HS2ST1: variants seen among roughly 807,000 people sequenced by gnomAD.
HS2ST1 encodes the protein 2-O-sulfotransferase.
Under a neutral mutation model 42.9 loss-of-function variants are expected in HS2ST1, and 18 were observed. The ratio of observed to expected loss-of-function variants is 0.42; its 90% CI spans 0.29 to 0.62. The LOEUF (loss-of-function observed/expected upper bound fraction) is 0.62, where lower values mean the gene tolerates loss of function less well. Ranked by LOEUF, HS2ST1 falls within the 20% of genes least tolerant of loss-of-function variation. The pLI is 0.21. For synonymous variants in HS2ST1, 146 were observed against 152.9 expected (o/e 0.95, Z 0.33); for missense variants, 334 against 433.8 (o/e 0.77, Z 2.04).
chr1:87,103,446 G>A lies in HS2ST1; in HGVS notation c.701G>A (p.Arg234Lys). The A allele has an allele frequency of 1.3e-6, 2 of 1,598,936 alleles. No homozygotes were observed. Residue 234 changes from arginine (R) to lysine (K), a missense_variant, in exon 6 of 7, where the codon AGG becomes AAG. Physicochemically the swap from Arg to Lys is conservative, Grantham distance 26. Transcript: ENST00000370550. ...HSSECWNVGS[R>K]WAMDQAKYNL... ...TTTGGTTTCAGGAATGTGGGAAGCA[G>A]GTGGGCTATGGATCAAGCCAAGTAT...
chr1:87,088,267 CAAG>C (rs1455805140), intron 3 of HS2ST1, among the ~76,000 whole-genome samples: 4 of 152,026 alleles, frequency 2.6e-5, no homozygotes, highest in African/African-American at 9.7e-5. Flanking sequence ...GACACCCAAA[CAAG>C]AAACTTTCAA....
At chr1:87,103,818 C>T (rs1450065298) in intron 6 of HS2ST1, among the ~76,000 whole-genome samples, 5 of 152,132 alleles carry the variant, frequency 3.3e-5, no homozygotes, top group African/African-American at 4.8e-5. Flanking sequence ...CAGAACCAGC[C>T]ATAGAAATGT....
intron 5 of HS2ST1, among the ~76,000 whole-genome samples, chr1:87,098,640 T>G (rs555731982): frequency 6.6e-5 from 10 of 152,328 alleles, no homozygotes; most frequent in Admixed American, 5.2e-4. Flanking sequence ...GTCCTACTCA[T>G]TAGATTACAT....
intron 4 of HS2ST1, among the ~76,000 whole-genome samples, chr1:87,093,296 T>TA (rs1316638519): frequency 1.3e-5 from 2 of 152,122 alleles, no homozygotes; most frequent in Non-Finnish European, 1.5e-5. Context: ...GATTTTCCTT[T>TA]AGGTGTCCAG....
At position 87,095,971 on chromosome 1, in the gene HS2ST1, T is replaced by G. The variant is rs1343576774; in HGVS notation, c.589-1867T>G. Among the ~76,000 whole-genome samples the G allele has an allele frequency of 2.6e-5, 4 of 151,758 alleles. No homozygotes were observed. The East Asian group carries it at 7.7e-4, about 29-fold the overall frequency. On this transcript the variant is annotated intron_variant, in intron 4 of 6. Transcript: ENST00000370550. The stretch of plus-strand genomic sequence containing the variant: ...TACTATAGACAGCCGGTTTTCTTTT[T>G]TTTTTTTTTTCATTTTCTGTTTTTT...
intron 1 of HS2ST1, among the ~76,000 whole-genome samples, chr1:87,061,529 T>G (rs1651122549): frequency 6.6e-6 from 1 of 152,212 alleles, no homozygotes; most frequent in Admixed American, 6.5e-5. Flanking sequence ...TAGCATATTT[T>G]TGATGTTCAT....
At chr1:86,930,603 T>C (rs1389593939) in intron 1 of HS2ST1, among the ~76,000 whole-genome samples, 1 of 151,992 alleles carries the variant, frequency 6.6e-6, no homozygotes, top group African/African-American at 2.4e-5. Flanking sequence ...AAGTAGATTT[T>C]ATCCTAAATT....
intron 1 of HS2ST1, among the ~76,000 whole-genome samples, chr1:87,018,492 G>A (rs1428711763): frequency 3.9e-5 from 6 of 152,120 alleles, no homozygotes; most frequent in South Asian, 2.1e-4. Flanking sequence ...TAGCAATAGC[G>A]TTTGGCTCCT....
At position 87,064,027 on chromosome 1, in the gene HS2ST1, C is replaced by T. The variant is rs185509027; in HGVS notation, c.125-8907C>T. 3.3e-5 allele frequency among the ~76,000 whole-genome samples: 5 copies of T among 152,250 alleles called. No homozygotes were observed. In the East Asian group the frequency reaches 5.8e-4, roughly 18 times the overall value. On this transcript the variant is annotated intron_variant, in intron 1 of 6. Coordinates refer to ENST00000370550, the MANE Select transcript of HS2ST1 (RefSeq NM_012262.4). The stretch of plus-strand genomic sequence containing the variant: ...TGTACTTGGCCTTCTCTGACATCAC[C>T]CCATCAGGGATATTGGGCATTGTGA...
chr1:87,030,099 T>G (rs1039825888), intron 1 of HS2ST1, among the ~76,000 whole-genome samples: 2 of 152,160 alleles, frequency 1.3e-5, no homozygotes, highest in Non-Finnish European at 2.9e-5. Flanking sequence ...CTAAAAAAAA[T>G]TACACAGCCC....
chr1:86,995,696 T>C (rs572578969), intron 1 of HS2ST1, among the ~76,000 whole-genome samples: 10 of 152,220 alleles, frequency 6.6e-5, no homozygotes, highest in Non-Finnish European at 7.3e-5. Context: ...TGTCAGTAAC[T>C]GGTAGATAAA....
chr1:87,061,287 A>G lies in HS2ST1; in HGVS notation c.125-11647A>G, dbSNP rs553947149. Among the ~76,000 whole-genome samples, 4 of 152,234 alleles carry G rather than the reference A, an allele frequency of 2.6e-5. No individual in the cohort carries two copies. In the South Asian group the frequency reaches 8.3e-4, roughly 32 times the overall value. The stretch of plus-strand genomic sequence containing the variant: ...AACATAAGTTAGCCATTTTACAGGG[A>G]ACAATTCACTGGCATTTGGAACATT... On this transcript the variant is annotated intron_variant, in intron 1 of 6. Transcript: ENST00000370550.
intron 1 of HS2ST1, among the ~76,000 whole-genome samples, chr1:86,945,182 A>C (rs755487284): frequency 5.3e-5 from 8 of 152,206 alleles, no homozygotes; most frequent in Non-Finnish European, 1.0e-4. Context: ...GAATTTGATG[A>C]GGAAAATTCA....
At chr1:87,000,501 T>C (rs1268921784) in intron 1 of HS2ST1, among the ~76,000 whole-genome samples, 1 of 152,162 alleles carries the variant, frequency 6.6e-6, no homozygotes, top group African/African-American at 2.4e-5. Flanking sequence ...CCACTTCAAA[T>C]AGGGAATAAA....
chr1:86,944,592 T>C (rs1232468281), intron 1 of HS2ST1, among the ~76,000 whole-genome samples: 2 of 152,162 alleles, frequency 1.3e-5, no homozygotes, highest in Non-Finnish European at 2.9e-5. Context: ...TGACCTCAAG[T>C]GATCCACCAC....
At chr1:87,040,340 A>G (rs1158813420) in intron 1 of HS2ST1, among the ~76,000 whole-genome samples, 10 of 152,134 alleles carry the variant, frequency 6.6e-5, no homozygotes. Context: ...TTTGCTTGAT[A>G]TAGGACCTGT....
At chr1:86,956,142 A>G (rs892471749) in intron 1 of HS2ST1, among the ~76,000 whole-genome samples, 1 of 152,088 alleles carries the variant, frequency 6.6e-6, no homozygotes, top group Non-Finnish European at 1.5e-5. Flanking sequence ...TTTGTTAAGA[A>G]TTAGGCATGG....
rs1652310106 is a variant in HS2ST1, at chr1:87,105,600, G to C, written c.*904G>C. 1 of 152,368 alleles carries C rather than the reference G, an allele frequency of 6.6e-6. No individual in the cohort carries two copies. Among genetic ancestry groups the C allele is most frequent in the South Asian group, 2.1e-4 (1 of 4,828 alleles). 9.4% of individuals were successfully genotyped at this position (152,368 alleles called of 1,614,324 possible). On this transcript the variant is annotated 3_prime_UTR_variant, in exon 7 of 7. Transcript: ENST00000370550. The stretch of plus-strand genomic sequence containing the variant: ...TTTACCTGTAGACTATTTTTACTAA[G>C]GTGCTTTATAATGTGTTTTAAAGCA...
intron 1 of HS2ST1, among the ~76,000 whole-genome samples, chr1:87,027,863 A>G (rs929620007): frequency 6.6e-6 from 1 of 151,998 alleles, no homozygotes; most frequent in Admixed American, 6.5e-5. Context: ...TGATTTTTGT[A>G]TTTTTTAATA....
Sources: gnomAD v4.1 joint callset for allele counts (sites outside exome capture counted in the v4.1 genomes callset) on GRCh38, gnomAD v4.1.1 for gene constraint, MANE v1.5 for transcripts, NCBI Gene and HGNC (gene_info 2026-07-23, HGNC 2026-07-21) for gene names.